ZSCAN1: variants seen among roughly 807,000 people sequenced by gnomAD.
ZSCAN1 encodes zinc finger and SCAN domain containing 1.
ZSCAN1 carries 23 observed loss-of-function variants against 23.8 expected under a neutral mutation model. The observed-to-expected ratio is 0.97, with a 90% confidence interval of 0.70 to 1.37. ZSCAN1 has a LOEUF of 1.37. Ranked by LOEUF, ZSCAN1 falls within the 40% of genes most tolerant of loss-of-function variation. The pLI is 0.00. For synonymous variants in ZSCAN1, 236 were observed against 232.3 expected (o/e 1.02, Z -0.15); for missense variants, 575 against 554.0 (o/e 1.04, Z -0.38).
chr19:58,040,459 C>T lies in ZSCAN1; in HGVS notation c.380C>T (p.Ser127Phe), dbSNP rs759138519. Residue 127 changes from serine (S) to phenylalanine (F), a missense_variant, in exon 4 of 6, where the codon TCT becomes TTT. Transcript: ENST00000282326. This position sits in a 1 kb window ranked among gnomAD's most constrained non-coding sequence, Gnocchi z 5.8. ...TQMCQQEVLV[S>F]LDSVEPQDWS... Reference sequence around the variant, plus strand: ...CCTTTCTCCCGCACAGTTCTGGTATCTCTGGACTCGGTCGAACCCCAGGAC... The same window carrying T: ...CCTTTCTCCCGCACAGTTCTGGTATTTCTGGACTCGGTCGAACCCCAGGAC... 1.1e-5 allele frequency: 17 copies of T among 1,613,664 alleles called. 1 individual carries two copies. The South Asian group carries it at 1.8e-4, about 17-fold the overall frequency.
chr19:58,037,654 A>G (rs2073747574), intron 2 of ZSCAN1, 74 bp from the exon 3 acceptor site: 1 of 709,376 alleles, frequency 1.4e-6, no homozygotes, highest in African/African-American at 1.8e-5. Context: ...CAAGGAAGTA[A>G]GGAGCCGAGG....
At position 58,037,840 on chromosome 19, in the gene ZSCAN1, C is replaced by T. The variant is rs1367323807; in HGVS notation, c.4C>T (p.Leu2Phe). The change falls in exon 3 of 6, where the codon CTT becomes TTT. Residue 2 changes from leucine (L) to phenylalanine (F), a missense_variant. Coordinates refer to ENST00000282326, the MANE Select transcript of ZSCAN1 (RefSeq NM_182572.4). ...GAGGGGCACTGTGGCCAGAGAAATGCTTCCACGGCCCAAAGCCCCTGCCTC... is the reference window on the plus strand; with the variant it reads ...GAGGGGCACTGTGGCCAGAGAAATGTTTCCACGGCCCAAAGCCCCTGCCTC... M[L>F]PRPKAPASPR... The T allele has an allele frequency of 6.8e-7, 1 of 1,478,866 alleles. No homozygotes were observed. The highest frequency in any genetic ancestry group is 9.0e-7 in the Non-Finnish European group (1 of 1,116,288). The allele number at this position is 1,478,866 out of a possible 1,614,324, so 91.6% of individuals were successfully genotyped here.
rs1301107041 is a variant in ZSCAN1, at chr19:58,053,161, G to A, written c.605-268G>A. On this transcript the variant is annotated intron_variant, in intron 5 of 5. Coordinates refer to ENST00000282326, the MANE Select transcript of ZSCAN1 (RefSeq NM_182572.4). This position sits in a 1 kb window ranked among gnomAD's most constrained non-coding sequence, Gnocchi z 5.8. ...TTTAGTAGAGACGGGGTTTCACCATGTTGGTCAGGCTGGTGTCTAACTCCT... is the reference window on the plus strand; with the variant it reads ...TTTAGTAGAGACGGGGTTTCACCATATTGGTCAGGCTGGTGTCTAACTCCT... Among the ~76,000 whole-genome samples, 1 of 152,180 alleles carries A rather than the reference G, an allele frequency of 6.6e-6. No individual in the cohort carries two copies. The highest frequency in any genetic ancestry group is 1.9e-4 in the East Asian group (1 of 5,192).
intron 1 of ZSCAN1, among the ~76,000 whole-genome samples, chr19:58,035,031 G>T (rs1038006109): frequency 6.6e-6 from 1 of 151,964 alleles, no homozygotes; most frequent in East Asian, 2.0e-4. Context: ...GGCTCGGGCT[G>T]CAGATCTCAG....
chr19:58,037,973 A>G lies in ZSCAN1; in HGVS notation c.137A>G (p.Tyr46Cys), dbSNP rs1279080747. ...CGTCTGCGCTTCCGGCAGTTCCAGT[A>G]CCACGTGGCGAGCGGGCCGCACCTC... ...AQRLRFRQFQ[Y>C]HVASGPHLAL... The change falls in exon 3 of 6, where the codon TAC becomes TGC. Residue 46 changes from tyrosine to cysteine, a missense_variant. Transcript: ENST00000282326. 2 of 1,606,900 alleles carry G rather than the reference A, an allele frequency of 1.2e-6. No homozygotes were observed. Among genetic ancestry groups the G allele is most frequent in the South Asian group, 2.2e-5 (2 of 91,008 alleles).
At chr19:58,044,069 G>C (rs2073807568) in intron 4 of ZSCAN1, among the ~76,000 whole-genome samples, 1 of 151,902 alleles carries the variant, frequency 6.6e-6, no homozygotes. Context: ...TCAGGCCTTC[G>C]AGACCAGCGT....
intron 4 of ZSCAN1, among the ~76,000 whole-genome samples, chr19:58,043,691 C>T (rs988291240): frequency 1.3e-5 from 2 of 151,988 alleles, no homozygotes; most frequent in Non-Finnish European, 2.9e-5. Context: ...ACTCTGTCAC[C>T]CAGGCTGGAG....
chr19:58,041,752 T>C lies in ZSCAN1; in HGVS notation c.465+1208T>C, dbSNP rs1460769139. ...TGAGCCAGGTGTAGGGGTGTGCACC[T>C]GTAGTCTTAGCAACTCTGGAGGCTG... On this transcript the variant is annotated intron_variant, in intron 4 of 5. Transcript: ENST00000282326. 3.3e-5 allele frequency among the ~76,000 whole-genome samples: 5 copies of C among 152,236 alleles called. No homozygotes were observed. In the South Asian group the frequency reaches 8.3e-4, roughly 25 times the overall value.
intron 4 of ZSCAN1, among the ~76,000 whole-genome samples, chr19:58,048,490 T>C (rs1380666954): frequency 1.3e-5 from 2 of 152,202 alleles, no homozygotes; most frequent in East Asian, 3.9e-4. Context: ...TTTCTTTTTC[T>C]TTTTTCTGAG....
chr19:58,040,582 C>A lies in ZSCAN1; in HGVS notation c.465+38C>A. ...CCCCCAGCTCCGTGCTCCTGCACCC[C>A]AGGGCATGCGTGCCGCTTCTGGGAC... On this transcript the variant is annotated intron_variant, in intron 4 of 5. Transcript: ENST00000282326. This position sits in a 1 kb window ranked among gnomAD's most constrained non-coding sequence, Gnocchi z 5.8. 2 of 1,599,712 alleles carry A rather than the reference C, an allele frequency of 1.3e-6. No individual in the cohort carries two copies. Among genetic ancestry groups the A allele is most frequent in the South Asian group, 1.1e-5 (1 of 90,782 alleles).
intron 4 of ZSCAN1, among the ~76,000 whole-genome samples, chr19:58,042,357 A>G (rs145350945): frequency 0.04 from 6,103 of 151,386 alleles, 418 homozygotes; most frequent in African/African-American, 0.14. Flanking sequence ...TCCCGGGTTC[A>G]CGCCATTCTC....
chr19:58,035,194 C>A (rs532902266), intron 1 of ZSCAN1, among the ~76,000 whole-genome samples: 1 of 152,228 alleles, frequency 6.6e-6, no homozygotes, highest in East Asian at 1.9e-4. Flanking sequence ...CATGGGGGGG[C>A]CCAGATCCTC....
chr19:58,035,187 G>T (rs1385251855), intron 1 of ZSCAN1, among the ~76,000 whole-genome samples: 1 of 151,782 alleles, frequency 6.6e-6, no homozygotes, highest in Non-Finnish European at 1.5e-5. Flanking sequence ...CATTGCCCAT[G>T]GGGGGGCCCA....
Position 58,048,067 on chromosome 19 carries a change from C to T in ZSCAN1, c.466-4423C>T, listed in dbSNP as rs551530120. On this transcript the variant is annotated intron_variant, in intron 4 of 5. Coordinates refer to ENST00000282326, the MANE Select transcript of ZSCAN1 (RefSeq NM_182572.4). Reference sequence around the variant, plus strand: ...AGCCAGGAAAGCAGCTGCGCTCAGACGATGCCTTCTCCATTACTTGAAGCT... The same window carrying T: ...AGCCAGGAAAGCAGCTGCGCTCAGATGATGCCTTCTCCATTACTTGAAGCT... 7.6e-4 allele frequency among the ~76,000 whole-genome samples: 116 copies of T among 152,352 alleles called. 1 individual carries two copies. Among genetic ancestry groups the T allele is most frequent in the African/African-American group, 2.7e-3 (113 of 41,586 alleles).
intron 4 of ZSCAN1, among the ~76,000 whole-genome samples, chr19:58,041,440 GCA>G (rs2073788978): frequency 6.6e-6 from 1 of 152,248 alleles, no homozygotes; most frequent in South Asian, 2.1e-4. Flanking sequence ...ACTACACCCA[GCA>G]CAAACTGGGG....
intron 4 of ZSCAN1, among the ~76,000 whole-genome samples, chr19:58,042,904 T>TG (rs1159377625): frequency 2.0e-5 from 3 of 152,192 alleles, no homozygotes; most frequent in African/African-American, 4.8e-5. Context: ...GTTTAGGCTG[T>TG]GGGGCTCAGC....
rs1440611996 is a variant in ZSCAN1, at chr19:58,046,509, T to A, written c.465+5965T>A. ...TGCCCATGGGGGAGAACGTCATCAG[T>A]GTTGCCGAGCTCATCAACGCCATGA... On this transcript the variant is annotated intron_variant, in intron 4 of 5. Transcript: ENST00000282326. 1.6e-5 allele frequency: 15 copies of A among 910,182 alleles called. No homozygotes were observed. In the Admixed American group the frequency reaches 2.5e-4, roughly 15 times the overall value. The allele number at this position is 910,182 out of a possible 1,614,324, so 56.4% of individuals were successfully genotyped here. A position where few individuals can be genotyped will look rare whatever the true frequency, so the allele number is the denominator to read the frequency against.
rs2073825557 is a variant in ZSCAN1, at chr19:58,046,302, C to T, written c.465+5758C>T. The T allele has an allele frequency of 5.5e-5, 46 of 833,654 alleles. No homozygotes were observed. In the East Asian group the frequency reaches 9.4e-4, roughly 17 times the overall value. 51.6% of individuals were successfully genotyped at this position (833,654 alleles called of 1,614,324 possible). ...TGAAGGAGGACATGCAGGACTACAGCGAGGACTTGCAGGAGCTCAAGAAGG... is the reference window on the plus strand; with the variant it reads ...TGAAGGAGGACATGCAGGACTACAGTGAGGACTTGCAGGAGCTCAAGAAGG... On this transcript the variant is annotated intron_variant, in intron 4 of 5. Transcript: ENST00000282326.
chr19:58,053,816 A>C lies in ZSCAN1; in HGVS notation c.992A>C (p.His331Pro), dbSNP rs202169660. Residue 331 changes from histidine (H) to proline (P), a missense_variant, in exon 6 of 6, where the codon CAC becomes CCC. Coordinates refer to ENST00000282326, the MANE Select transcript of ZSCAN1 (RefSeq NM_182572.4). The surrounding 1 kb of genome is among the most constrained non-coding windows in gnomAD (Gnocchi z 5.8). ...CCCGAGTGTGGCAAGGTCTTCCTGCACAACTCCGTCCTCACTGAGCATGGC... is the reference window on the plus strand; with the variant it reads ...CCCGAGTGTGGCAAGGTCTTCCTGCCCAACTCCGTCCTCACTGAGCATGGC... Reference protein sequence around the residue: ...PCPECGKVFLHNSVLTEHGKI... With the variant: ...PCPECGKVFLPNSVLTEHGKI... The C allele has an allele frequency of 2.2e-5, 35 of 1,613,958 alleles. No individual in the cohort carries two copies. Among genetic ancestry groups the C allele is most frequent in the Non-Finnish European group, 2.7e-5 (32 of 1,180,020 alleles).
Sources: allele counts gnomAD v4.1 joint callset (sites outside exome capture counted in the v4.1 genomes callset), GRCh38; gene constraint gnomAD v4.1.1; non-coding constraint Gnocchi (gnomAD v3.1); transcripts MANE v1.5; gene names NCBI Gene and HGNC (gene_info 2026-07-23, HGNC 2026-07-21).